The following RAB11FIP1 variants were observed in gnomAD, a reference collection of about 807,000 sequenced individuals.
The protein encoded by RAB11FIP1 is rab11 family-interacting protein 1.
RAB11FIP1 carries 49 observed loss-of-function variants against 83.1 expected under a neutral mutation model. The ratio of observed to expected loss-of-function variants is 0.59; its 90% confidence interval spans 0.47 to 0.75. The LOEUF is 0.75. RAB11FIP1 is among the 30% of genes least tolerant of loss of function. The pLI, the probability that RAB11FIP1 is intolerant of heterozygous loss-of-function variation, is 0.00. For missense variants in RAB11FIP1, 1,536 were observed against 1,598.7 expected (o/e 0.96, Z 0.67); for synonymous variants, 670 against 656.0 (o/e 1.02, Z -0.33).
intron 1 of RAB11FIP1, among the ~76,000 whole-genome samples, chr8:37,896,465 AAGAAGCCT>A (rs1333486179): frequency 6.6e-6 from 1 of 152,146 alleles, no homozygotes; most frequent in Non-Finnish European, 1.5e-5. Context: ...TAGAGATGCA[AAGAAGCCT>A]TCCTTTGCAG....
rs867500961 is a variant in RAB11FIP1 at position 37,872,723 on chromosome 8, G to A, written c.2079C>T (p.Leu693=). 1 of 1,614,200 alleles carries A rather than the reference G, an allele frequency of 6.2e-7. No individual in the cohort carries two copies. Among genetic ancestry groups the A allele is most frequent in the Non-Finnish European group, 8.5e-7 (1 of 1,180,030 alleles). The change falls in exon 4 of 6, where the codon CTC becomes CTT. Residue 693 remains leucine, a synonymous_variant. Coordinates refer to ENST00000330843, the MANE Select transcript of RAB11FIP1 (RefSeq NM_001002814.3). ...NTSSLELEES[L]PEQPETGRQE... The stretch of plus-strand genomic sequence containing the variant: ...GTCGCCCTGTTTCAGGCTGCTCTGG[G>A]AGAGACTCCTCCAACTCAAGGCTGC...
rs1806244311 is a variant in RAB11FIP1, at chr8:37,861,913, A to G, written c.*982T>C. 2 of 232,846 alleles carry G rather than the reference A, an allele frequency of 8.6e-6. No individual in the cohort carries two copies. Among genetic ancestry groups the G allele is most frequent in the Admixed American group, 1.1e-4 (2 of 18,998 alleles). The allele number at this position is 232,846 out of a possible 1,614,324, so 14.4% of individuals were successfully genotyped here. A position where few individuals can be genotyped will look rare whatever the true frequency, so the allele number is the denominator to read the frequency against. On this transcript the variant is annotated 3_prime_UTR_variant, in exon 6 of 6. Transcript: ENST00000330843. Reference sequence around the variant, plus strand: ...CTGAAGGGGCTTCTTCATCTTGGGGAGTTGGTGGACCCTGTCTCTGCCCCT... The same window carrying G: ...CTGAAGGGGCTTCTTCATCTTGGGGGGTTGGTGGACCCTGTCTCTGCCCCT...
At chr8:37,884,359 G>A (rs6983148) in intron 1 of RAB11FIP1, among the ~76,000 whole-genome samples, 1,831 of 151,856 alleles carry the variant, frequency 0.012, 41 homozygotes, top group African/African-American at 0.042. Context: ...TACCACACCC[G>A]GCCAACATAA....
chr8:37,881,038 T>A (rs2130170228), intron 1 of RAB11FIP1, among the ~76,000 whole-genome samples: 1 of 152,292 alleles, frequency 6.6e-6, no homozygotes, highest in South Asian at 2.1e-4. Flanking sequence ...CTGCCCCCAC[T>A]GCTACGGCTC....
rs762878334 is a variant in RAB11FIP1 at position 37,875,104 on chromosome 8, A to C, written c.1033T>G (p.Ser345Ala). Reference sequence around the variant, plus strand: ...TGCTTCTTTCTGAAGCCCTTGGGGGATGGGGAGGAGGACGGGCTGCTATCC... The same window carrying C: ...TGCTTCTTTCTGAAGCCCTTGGGGGCTGGGGAGGAGGACGGGCTGCTATCC... The part of the protein sequence containing the change: ...IKDSSPSSSP[S>A]PKGFRKKHLF... Residue 345 changes from serine to alanine, a missense_variant, in exon 3 of 6, where the codon TCC becomes GCC. Ser to Ala is a moderately conservative substitution (Grantham distance 99). Transcript: ENST00000330843. 2 of 1,613,876 alleles carry C rather than the reference A, an allele frequency of 1.2e-6. No homozygotes were observed. The highest frequency in any genetic ancestry group is 1.7e-6 in the Non-Finnish European group (2 of 1,179,930).
chr8:37,864,931 CT>C (rs10544799), intron 5 of RAB11FIP1, among the ~76,000 whole-genome samples: 4,559 of 145,490 alleles, frequency 0.031, 203 homozygotes, highest in African/African-American at 0.1. Context: ...TACTTAATGC[CT>C]TTTTTTTTTT....
intron 5 of RAB11FIP1, among the ~76,000 whole-genome samples, chr8:37,865,313 T>A (rs534197616): frequency 1.4e-5 from 1 of 71,078 alleles, no homozygotes. Context: ...TTTCCTGGGA[T>A]TCTTTTTTTT....
intron 1 of RAB11FIP1, among the ~76,000 whole-genome samples, chr8:37,890,369 T>G (rs772150261): frequency 6.6e-6 from 1 of 152,178 alleles, no homozygotes; most frequent in African/African-American, 2.4e-5. Context: ...AAATATTTTT[T>G]GGGGATTTCT....
At chr8:37,895,274 TTTTTTTTTTTTTTTTTTTTG>T in intron 1 of RAB11FIP1, among the ~76,000 whole-genome samples, 2 of 52,610 alleles carry the variant, frequency 3.8e-5, no homozygotes, top group African/African-American at 1.7e-4. Context: ...TTTTTTTTTT[TTTTTTTTTTTTTTTTTTTTG>T]GTAGAGTTTG....
rs147251092 is a variant in RAB11FIP1 at position 37,865,615 on chromosome 8, C to T, written c.3634-2502G>A. On this transcript the variant is annotated intron_variant, in intron 5 of 5. Transcript: ENST00000330843. Reference sequence around the variant, plus strand: ...GATTACAGGCATGAGCCACTGAGCCCGGCCTTCCTGGGGTTCTTGATGATA... The same window carrying T: ...GATTACAGGCATGAGCCACTGAGCCTGGCCTTCCTGGGGTTCTTGATGATA... Among the ~76,000 whole-genome samples, 941 of 152,258 alleles carry T rather than the reference C, an allele frequency of 6.2e-3. 11 individuals are homozygous for T. The highest frequency in any genetic ancestry group is 0.021 in the African/African-American group (870 of 41,562).
rs753891803 is a variant in RAB11FIP1, at chr8:37,875,103, G to T, written c.1034C>A (p.Ser345Tyr). The T allele has an allele frequency of 1.9e-6, 3 of 1,614,054 alleles. No individual in the cohort carries two copies. Among genetic ancestry groups the T allele is most frequent in the Non-Finnish European group, 2.5e-6 (3 of 1,180,026 alleles). ...ATGCTTCTTTCTGAAGCCCTTGGGG[G>T]ATGGGGAGGAGGACGGGCTGCTATC... ...IKDSSPSSSP[S>Y]PKGFRKKHLF... Residue 345 changes from serine to tyrosine, a missense_variant, in exon 3 of 6, where the codon TCC becomes TAC. Ser to Tyr is a moderately radical substitution (Grantham distance 144). Coordinates refer to ENST00000330843, the MANE Select transcript of RAB11FIP1 (RefSeq NM_001002814.3).
At chr8:37,871,060 T>C in intron 4 of RAB11FIP1, 1 of 567,260 alleles carries the variant, frequency 1.8e-6, no homozygotes, top group Non-Finnish European at 3.0e-6. Flanking sequence ...TGCAGAACAA[T>C]TCCTAAGCTA....
chr8:37,895,084 G>T, intron 1 of RAB11FIP1, among the ~76,000 whole-genome samples: 1 of 140,558 alleles, frequency 7.1e-6, no homozygotes, highest in African/African-American at 2.6e-5. Context: ...TTTTTTTTTA[G>T]AGACAGGCTT....
intron 3 of RAB11FIP1, 30 bp from the exon 4 acceptor site, chr8:37,873,209 G>A (rs778331427): frequency 1.3e-6 from 2 of 1,545,780 alleles, no homozygotes; most frequent in Non-Finnish European, 1.7e-6. Context: ...AAATCTGCAG[G>A]TCAGTGCAGA....
At position 37,872,840 on chromosome 8, in the gene RAB11FIP1, T is replaced by A. The variant is rs1219475965; in HGVS notation, c.1962A>T (p.Ser654=). Residue 654 remains serine (S), a synonymous_variant, in exon 4 of 6, where the codon TCA becomes TCT. Transcript: ENST00000330843. Reference sequence around the variant, plus strand: ...CTGGAAAGGATGGCTGTTTGAAAAGTGATCCCAGGGCAGAAGAACCAGAAT... The same window carrying A: ...CTGGAAAGGATGGCTGTTTGAAAAGAGATCCCAGGGCAGAAGAACCAGAAT... The part of the protein sequence containing the change: ...VPNSGSSALG[S]LFKQPSFPAN... 4 of 1,614,060 alleles carry A rather than the reference T, an allele frequency of 2.5e-6. No individual in the cohort carries two copies. The highest frequency in any genetic ancestry group is 8.5e-7 in the Non-Finnish European group (1 of 1,180,038).
intron 1 of RAB11FIP1, among the ~76,000 whole-genome samples, chr8:37,888,921 C>G (rs1486539280): frequency 6.6e-6 from 1 of 151,684 alleles, no homozygotes; most frequent in Non-Finnish European, 1.5e-5. Flanking sequence ...CCTCAGCCTC[C>G]TGAGTAGCTG....
In RAB11FIP1 at chr8:37,859,079, T is replaced by C. The variant is rs1472801568; in HGVS notation, c.*3816A>G. The C allele has an allele frequency of 1.3e-5, 2 of 152,118 alleles. No homozygotes were observed. Among genetic ancestry groups the C allele is most frequent in the African/African-American group, 2.4e-5 (1 of 41,408 alleles). The allele number at this position is 152,118 out of a possible 1,614,324, so 9.4% of individuals were successfully genotyped here. ...ATAATAATTCTATAATCCAAAAACG[T>C]TGGGCGATCCTTCAGTTGGAGGAAG... is the stretch of plus-strand genomic sequence containing the variant. On this transcript the variant is annotated 3_prime_UTR_variant, in exon 6 of 6. Transcript: ENST00000330843.
intron 1 of RAB11FIP1, among the ~76,000 whole-genome samples, chr8:37,895,148 C>G (rs549023893): frequency 1.6e-5 from 2 of 128,544 alleles, no homozygotes; most frequent in South Asian, 5.1e-4. Flanking sequence ...TCACCCTAAC[C>G]TTTAACTCTT....
intron 1 of RAB11FIP1, among the ~76,000 whole-genome samples, chr8:37,888,732 T>C (rs887074086): frequency 4.0e-5 from 6 of 151,436 alleles, no homozygotes; most frequent in Non-Finnish European, 7.4e-5. Context: ...CCCAAAGTAC[T>C]GGGATTACAG....
Sources: allele counts gnomAD v4.1 joint callset (sites outside exome capture counted in the v4.1 genomes callset), GRCh38; gene constraint gnomAD v4.1.1; transcripts MANE v1.5; gene names NCBI Gene and HGNC (gene_info 2026-07-23, HGNC 2026-07-21).